Variants in PCDH9 observed in about 807,000 individuals in gnomAD.
The protein encoded by PCDH9 is protocadherin 9.
In PCDH9, 24 loss-of-function variants were observed where a neutral mutation model predicts 70.6. The observed-to-expected ratio is 0.34, with a 90% confidence interval of 0.25 to 0.48. The LOEUF (loss-of-function observed/expected upper bound fraction) is 0.48, where lower values mean the gene tolerates loss of function less well. Ranked by LOEUF, PCDH9 falls within the 20% of genes least tolerant of loss-of-function variation. The pLI is 0.99. For missense variants in PCDH9, 1,281 were observed against 1,503.6 expected (o/e 0.85, Z 2.45); for synonymous variants, 562 against 558.5 (o/e 1.01, Z -0.09).
intron 4 of PCDH9, among the ~76,000 whole-genome samples, chr13:66,408,910 A>G (rs1226775292): frequency 6.6e-6 from 1 of 152,178 alleles, no homozygotes; most frequent in Non-Finnish European, 1.5e-5. Flanking sequence ...CTGACATATA[A>G]GGACAAAAAT....
intron 4 of PCDH9, among the ~76,000 whole-genome samples, chr13:66,409,630 A>T (rs1178674915): frequency 6.6e-6 from 1 of 152,226 alleles, no homozygotes; most frequent in Non-Finnish European, 1.5e-5. Context: ...ACTCATCCCC[A>T]AAATTGAAAG....
intron 3 of PCDH9, among the ~76,000 whole-genome samples, chr13:66,744,354 CTA>C (rs1399266959): frequency 1.3e-5 from 2 of 152,096 alleles, no homozygotes; most frequent in East Asian, 3.9e-4. Flanking sequence ...ATGCATAAAA[CTA>C]TGCAGGTAGA....
chr13:67,178,801 T>C (rs1387186754), intron 2 of PCDH9, among the ~76,000 whole-genome samples: 5 of 152,090 alleles, frequency 3.3e-5, no homozygotes, highest in African/African-American at 1.2e-4. Flanking sequence ...TGCCAAACAT[T>C]GAGTAAAGAT....
intron 2 of PCDH9, among the ~76,000 whole-genome samples, chr13:67,020,316 A>C (rs1028569057): frequency 2.0e-5 from 3 of 152,324 alleles, no homozygotes; most frequent in African/African-American, 7.2e-5. Flanking sequence ...GTCCCCTCCT[A>C]CCAACCATTA....
intron 4 of PCDH9, among the ~76,000 whole-genome samples, chr13:66,529,859 G>A (rs1960372236): frequency 6.7e-6 from 1 of 149,150 alleles, no homozygotes; most frequent in Non-Finnish European, 1.5e-5. Flanking sequence ...GTACTAGAAG[G>A]AGTTATATCA....
intron 3 of PCDH9, among the ~76,000 whole-genome samples, chr13:66,889,449 GTTAA>G (rs998467362): frequency 6.6e-6 from 1 of 152,198 alleles, no homozygotes; most frequent in Non-Finnish European, 1.5e-5. Flanking sequence ...AAGTATTTGT[GTTAA>G]TTGATTGCTT....
chr13:66,869,829 T>C (rs1360032275), intron 3 of PCDH9, among the ~76,000 whole-genome samples: 1 of 152,098 alleles, frequency 6.6e-6, no homozygotes, highest in African/African-American at 2.4e-5. Context: ...ATTTCCTTAG[T>C]AGCTAAAAGA....
intron 2 of PCDH9, among the ~76,000 whole-genome samples, chr13:67,112,535 T>G (rs2086677234): frequency 6.6e-6 from 1 of 152,176 alleles, no homozygotes; most frequent in Admixed American, 6.5e-5. Context: ...GCATATTAAC[T>G]AATTAAGGTG....
At chr13:66,362,943 G>C (rs1021912877) in intron 4 of PCDH9, among the ~76,000 whole-genome samples, 1 of 152,132 alleles carries the variant, frequency 6.6e-6, no homozygotes, top group Non-Finnish European at 1.5e-5. Flanking sequence ...CACTTTGAGA[G>C]ACTGAGGTGG....
intron 3 of PCDH9, among the ~76,000 whole-genome samples, chr13:66,653,302 A>G (rs2138996199): frequency 6.6e-6 from 1 of 152,308 alleles, no homozygotes; most frequent in Non-Finnish European, 1.5e-5. Flanking sequence ...GAGCTCAAAC[A>G]AGTCAACAGG....
At chr13:66,825,063 C>T (rs2080794377) in intron 3 of PCDH9, 1 of 151,650 alleles carries the variant, frequency 6.6e-6, no homozygotes, top group South Asian at 2.1e-4. Flanking sequence ...AATAGCATGT[C>T]ATTTTAAAAT....
intron 4 of PCDH9, among the ~76,000 whole-genome samples, chr13:66,384,387 G>A (rs1956894165): frequency 6.6e-6 from 1 of 152,012 alleles, no homozygotes; most frequent in African/African-American, 2.4e-5. Flanking sequence ...ATGTTAAACT[G>A]TTTTTGTTGT....
At chr13:66,675,654 A>G (rs898797133) in intron 3 of PCDH9, among the ~76,000 whole-genome samples, 7 of 152,168 alleles carry the variant, frequency 4.6e-5, no homozygotes, top group African/African-American at 1.4e-4. Flanking sequence ...TAAAGCAATC[A>G]TAATGATGTC....
At chr13:66,465,002 G>A (rs1167764887) in intron 4 of PCDH9, among the ~76,000 whole-genome samples, 1 of 151,850 alleles carries the variant, frequency 6.6e-6, no homozygotes, top group Non-Finnish European at 1.5e-5. Context: ...TCTATAGAAA[G>A]GGAACAACCA....
At chr13:66,627,298 AG>A (rs917921769) in intron 4 of PCDH9, among the ~76,000 whole-genome samples, 2 of 152,310 alleles carry the variant, frequency 1.3e-5, no homozygotes, top group South Asian at 2.1e-4. Flanking sequence ...CTGAATTCAA[AG>A]GGGACAATAG....
At chr13:66,729,413 T>TAA (rs753236358) in intron 3 of PCDH9, among the ~76,000 whole-genome samples, 5 of 152,178 alleles carry the variant, frequency 3.3e-5, no homozygotes, top group Admixed American at 1.3e-4. Flanking sequence ...CATGTAGTTT[T>TAA]AAAAATTCAT....
intron 4 of PCDH9, among the ~76,000 whole-genome samples, chr13:66,532,751 G>A (rs142422041): frequency 6.6e-6 from 1 of 152,170 alleles, no homozygotes; most frequent in Non-Finnish European, 1.5e-5. Context: ...AAGGAGGGCA[G>A]ATGTCAAGAT....
intron 3 of PCDH9, among the ~76,000 whole-genome samples, chr13:66,658,016 T>C (rs1409085224): frequency 6.6e-6 from 1 of 152,204 alleles, no homozygotes; most frequent in Non-Finnish European, 1.5e-5. Flanking sequence ...TAAATTTTAC[T>C]GGGTATAAGA....
intron 4 of PCDH9, among the ~76,000 whole-genome samples, chr13:66,417,650 C>T (rs1244204597): frequency 2.6e-5 from 4 of 152,114 alleles, no homozygotes; most frequent in Admixed American, 2.6e-4. Context: ...CCTATTTCTC[C>T]ACATCCTCTC....
Sources: allele counts gnomAD v4.1 joint callset (sites outside exome capture counted in the v4.1 genomes callset), GRCh38; gene constraint gnomAD v4.1.1; transcripts MANE v1.5; gene names NCBI Gene and HGNC (gene_info 2026-07-23, HGNC 2026-07-21).